The following SPOCK1 variants were observed in gnomAD, a reference collection of about 807,000 sequenced individuals.
The protein encoded by SPOCK1 is testican-1.
A neutral mutation model predicts 55.3 loss-of-function variants in SPOCK1; 23 were observed. The ratio of observed to expected loss-of-function variants is 0.42; its 90% CI spans 0.30 to 0.59. The LOEUF (loss-of-function observed/expected upper bound fraction) is 0.59, where lower values mean the gene tolerates loss of function less well. SPOCK1 is among the 20% of genes least tolerant of loss of function. The pLI is 0.22. For missense variants in SPOCK1, 499 were observed against 552.5 expected (o/e 0.90, Z 0.97); for synonymous variants, 226 against 221.0 (o/e 1.02, Z -0.20).
At chr5:137,196,287 A>T (rs932586358) in intron 3 of SPOCK1, among the ~76,000 whole-genome samples, 2 of 152,056 alleles carry the variant, frequency 1.3e-5, no homozygotes, top group Non-Finnish European at 2.9e-5. Flanking sequence ...ACCATTCCCC[A>T]CATGGCAGCC....
chr5:137,268,613 G>A (rs1227321896), intron 2 of SPOCK1, among the ~76,000 whole-genome samples: 1 of 152,128 alleles, frequency 6.6e-6, no homozygotes, highest in Non-Finnish European at 1.5e-5. Context: ...CAATTTCTAG[G>A]TTTGATGACC....
chr5:137,362,361 G>A (rs574239411), intron 2 of SPOCK1, among the ~76,000 whole-genome samples: 40 of 140,266 alleles, frequency 2.9e-4, no homozygotes, highest in Middle Eastern at 3.9e-3. Context: ...ACAGAGTCTC[G>A]CTCTGTTGCC....
At chr5:137,317,934 G>A (rs925412307) in intron 2 of SPOCK1, among the ~76,000 whole-genome samples, 51 of 152,074 alleles carry the variant, frequency 3.4e-4, no homozygotes, top group African/African-American at 1.2e-3. Context: ...TTTGTAAGCT[G>A]TACCCAGTTT....
intron 2 of SPOCK1, among the ~76,000 whole-genome samples, chr5:137,377,412 T>C (rs188995461): frequency 9.5e-4 from 144 of 152,316 alleles, no homozygotes; most frequent in African/African-American, 3.3e-3. Context: ...CTCTTCCTCC[T>C]GAGTCTTATA....
At chr5:137,248,977 A>T (rs1756454458) in intron 3 of SPOCK1, among the ~76,000 whole-genome samples, 1 of 152,240 alleles carries the variant, frequency 6.6e-6, no homozygotes, top group Non-Finnish European at 1.5e-5. Context: ...AAAGATCATG[A>T]TGAGATCTGG....
intron 2 of SPOCK1, among the ~76,000 whole-genome samples, chr5:137,404,213 T>C (rs1752045343): frequency 1.3e-5 from 2 of 152,150 alleles, no homozygotes. Context: ...AGAAAAAAGC[T>C]GCACGGCAAG....
At chr5:137,091,909 T>G (rs1271787442) in intron 5 of SPOCK1, among the ~76,000 whole-genome samples, 2 of 152,154 alleles carry the variant, frequency 1.3e-5, no homozygotes, top group East Asian at 3.9e-4. Context: ...CCACCAAGAC[T>G]AGAAAGAATC....
chr5:136,987,304 T>A (rs1008238062), intron 8 of SPOCK1, among the ~76,000 whole-genome samples: 1 of 152,112 alleles, frequency 6.6e-6, no homozygotes. Flanking sequence ...ACAATACCTA[T>A]GACCAGAAAA....
chr5:137,129,818 C>A (rs574136934), intron 4 of SPOCK1, among the ~76,000 whole-genome samples: 84 of 152,282 alleles, frequency 5.5e-4, no homozygotes, highest in African/African-American at 1.9e-3. Context: ...CAGAGAAAGG[C>A]AAGCTGGTAG....
intron 2 of SPOCK1, among the ~76,000 whole-genome samples, chr5:137,388,668 C>T (rs1186270875): frequency 6.6e-6 from 1 of 152,156 alleles, no homozygotes; most frequent in Non-Finnish European, 1.5e-5. Flanking sequence ...TCCAGCTCTC[C>T]ACAGATGTGG....
At chr5:137,158,233 C>T (rs374766425) in intron 3 of SPOCK1, among the ~76,000 whole-genome samples, 1 of 152,134 alleles carries the variant, frequency 6.6e-6, no homozygotes, top group African/African-American at 2.4e-5. Context: ...GAAGGAGGAG[C>T]CCCAGGGCAG....
At chr5:137,153,259 T>C (rs552381012) in intron 3 of SPOCK1, among the ~76,000 whole-genome samples, 31 of 152,342 alleles carry the variant, frequency 2.0e-4, no homozygotes, top group Admixed American at 1.2e-3. Context: ...GGGGCATCTC[T>C]GGATGGATCT....
In SPOCK1 at chr5:136,985,199, A is replaced by G. The variant is rs373028461; in HGVS notation, c.932T>C (p.Leu311Pro). The part of the protein sequence containing the change: ...WCYCFQKPGG[L>P]PCQNEMNRIQ... ...TCTGTTCATTTCATTCTGGCAAGGG[A>G]GACCTAAAAAATAATTTCTGAAAGT... The change falls in exon 9 of 11, where the codon CTC (leucine) becomes CCC (proline). Residue 311 changes from leucine (L) to proline (P), a missense_variant. Leu to Pro is a moderately conservative substitution (Grantham distance 98). Around this residue, in one of 3 missense-constraint regions of SPOCK1, gnomAD observed 386 missense variants for 400.6 expected, o/e 0.96. Coordinates refer to ENST00000394945, the MANE Select transcript of SPOCK1 (RefSeq NM_004598.4). The G allele has an allele frequency of 1.2e-6, 2 of 1,614,086 alleles. No homozygotes were observed. Among genetic ancestry groups the G allele is most frequent in the Non-Finnish European group, 8.5e-7 (1 of 1,179,938 alleles).
intron 3 of SPOCK1, among the ~76,000 whole-genome samples, chr5:137,264,462 C>T (rs1317280470): frequency 6.6e-6 from 1 of 152,106 alleles, no homozygotes; most frequent in African/African-American, 2.4e-5. Context: ...CCTCCTCTCC[C>T]TCTATATTCC....
intron 9 of SPOCK1, among the ~76,000 whole-genome samples, chr5:136,982,908 A>AATTT (rs1561570150): frequency 6.6e-6 from 1 of 152,138 alleles, no homozygotes; most frequent in East Asian, 1.9e-4. Context: ...CACTGGGATA[A>AATTT]ATTTTAAATT....
chr5:137,156,161 T>C (rs11747661), intron 3 of SPOCK1, among the ~76,000 whole-genome samples: 19,331 of 152,066 alleles, frequency 0.13, 1,413 homozygotes, highest in East Asian at 0.23. Context: ...GCAGGGTAAG[T>C]GCCTCTGAAC....
chr5:137,300,314 T>C (rs1475615425), intron 2 of SPOCK1, among the ~76,000 whole-genome samples: 1 of 152,178 alleles, frequency 6.6e-6, no homozygotes, highest in African/African-American at 2.4e-5. Context: ...ATTTATAACA[T>C]GGTTTTGAAG....
At chr5:137,327,681 G>A (rs1041534394) in intron 2 of SPOCK1, among the ~76,000 whole-genome samples, 1 of 152,130 alleles carries the variant, frequency 6.6e-6, no homozygotes, top group Non-Finnish European at 1.5e-5. Flanking sequence ...CTCAGACAAA[G>A]CAAATAACCA....
At chr5:137,446,454 T>C (rs181389907) in intron 2 of SPOCK1, among the ~76,000 whole-genome samples, 2 of 152,248 alleles carry the variant, frequency 1.3e-5, no homozygotes, top group East Asian at 3.9e-4. Flanking sequence ...GCAAAGGCAG[T>C]CTTCCCTTTG....
Sources: allele counts gnomAD v4.1 joint callset (sites outside exome capture counted in the v4.1 genomes callset), GRCh38; gene constraint gnomAD v4.1.1; regional missense constraint gnomAD v4.1.1; transcripts MANE v1.5; gene names NCBI Gene and HGNC (gene_info 2026-07-23, HGNC 2026-07-21).